The following DLC1 variants were observed in gnomAD, a reference collection of about 807,000 sequenced individuals.
DLC1 encodes the protein rho GTPase-activating protein 7.
In DLC1, 54 loss-of-function variants were observed where a neutral mutation model predicts 140.3. The ratio of observed to expected loss-of-function variants is 0.38; its 90% CI spans 0.31 to 0.48. DLC1 has a LOEUF of 0.48. Among genes scored for constraint, DLC1 ranks in the 20% least tolerant of loss-of-function variants. The pLI is 0.96. For missense variants in DLC1, 2,536 were observed against 1,907.0 expected (o/e 1.33, Z -6.14); for synonymous variants, 986 against 728.1 (o/e 1.35, Z -5.70).
intron 1 of DLC1, among the ~76,000 whole-genome samples, chr8:13,548,767 G>T (rs1803742349): frequency 6.6e-6 from 1 of 151,974 alleles, no homozygotes; most frequent in South Asian, 2.1e-4. Context: ...AGCCAGTAAA[G>T]AAACAAAATC....
chr8:13,490,978 A>AAT (rs3066372), intron 2 of DLC1, among the ~76,000 whole-genome samples: 109,101 of 145,640 alleles, frequency 0.75, 42,294 homozygotes, highest in Middle Eastern at 0.88. Context: ...AATTTATATA[A>AAT]ATATATATAT....
At chr8:13,255,433 C>T (rs545912123) in intron 5 of DLC1, among the ~76,000 whole-genome samples, 92 of 152,202 alleles carry the variant, frequency 6.0e-4, no homozygotes, top group African/African-American at 2.1e-3. Context: ...ATTTAAAAGG[C>T]AGGGATAAGT....
chr8:13,597,687 T>C (rs1805728500), intron 1 of DLC1, among the ~76,000 whole-genome samples: 1 of 152,056 alleles, frequency 6.6e-6, no homozygotes, highest in South Asian at 2.1e-4. Flanking sequence ...TAATAACAGA[T>C]GACATTATGA....
intron 1 of DLC1, among the ~76,000 whole-genome samples, chr8:13,534,538 A>G (rs1585249813): frequency 6.6e-6 from 1 of 152,076 alleles, no homozygotes; most frequent in Non-Finnish European, 1.5e-5. Flanking sequence ...GGCAGGGACA[A>G]TTTTCCTTCT....
chr8:13,173,368 C>CTTTTTTTTTTTTT (rs35778236), intron 5 of DLC1, among the ~76,000 whole-genome samples: 1 of 103,510 alleles, frequency 9.7e-6, no homozygotes. Flanking sequence ...GTTCTGCCCT[C>CTTTTTTTTTTTTT]TTTTTTTTTT....
At chr8:13,506,567 A>ACATGTGTGTG (rs1491321792) in intron 1 of DLC1, among the ~76,000 whole-genome samples, 1 of 111,800 alleles carries the variant, frequency 8.9e-6, no homozygotes, top group African/African-American at 3.5e-5. Context: ...ACACACACAC[A>ACATGTGTGTG]TGTGTGTGTG....
intron 1 of DLC1, among the ~76,000 whole-genome samples, chr8:13,549,672 G>C (rs1803778449): frequency 6.6e-6 from 1 of 152,090 alleles, no homozygotes; most frequent in Non-Finnish European, 1.5e-5. Flanking sequence ...GAAAAGAACA[G>C]GTTGATTGAA....
At chr8:13,324,598 G>C (rs1171332922) in intron 4 of DLC1, among the ~76,000 whole-genome samples, 1 of 139,722 alleles carries the variant, frequency 7.2e-6, no homozygotes, top group African/African-American at 2.6e-5. Flanking sequence ...AAGATTTTAA[G>C]ATCTAACTTT....
chr8:13,413,469 A>G (rs1837898820), intron 2 of DLC1, among the ~76,000 whole-genome samples: 1 of 143,208 alleles, frequency 7.0e-6, no homozygotes, highest in East Asian at 2.0e-4. Context: ...ATCCAATGCA[A>G]AATTATTTCT....
intron 4 of DLC1, among the ~76,000 whole-genome samples, chr8:13,308,801 T>C (rs1287323977): frequency 6.6e-6 from 1 of 152,008 alleles, no homozygotes; most frequent in Admixed American, 6.6e-5. Flanking sequence ...AATGGAATGG[T>C]TTTCTTGGGC....
chr8:13,109,022 G>T (rs894538606), intron 7 of DLC1, among the ~76,000 whole-genome samples: 2 of 152,154 alleles, frequency 1.3e-5, no homozygotes, highest in Admixed American at 1.3e-4. Flanking sequence ...AAGTGACAGC[G>T]TTTCTGTGGT....
At chr8:13,246,598 A>T (rs1829773552) in intron 5 of DLC1, among the ~76,000 whole-genome samples, 1 of 152,162 alleles carries the variant, frequency 6.6e-6, no homozygotes, top group African/African-American at 2.4e-5. Flanking sequence ...AATTCATATC[A>T]ATGCAGTTTC....
In DLC1 at chr8:13,573,016, T is replaced by C. The variant is rs1804716266; in HGVS notation, c.-126+31521A>G. On this transcript the variant is annotated intron_variant, in intron 1 of 1. Transcript: ENST00000631382. Reference sequence around the variant, plus strand: ...TTTTCTATTTCTGTAAAAAATGCCATTGGACTTTTGATAGGGATTGCATTT... The same window carrying C: ...TTTTCTATTTCTGTAAAAAATGCCACTGGACTTTTGATAGGGATTGCATTT... 2.0e-5 allele frequency among the ~76,000 whole-genome samples: 3 copies of C among 152,306 alleles called. No individual in the cohort carries two copies. The South Asian group carries it at 6.2e-4, about 32-fold the overall frequency.
intron 3 of DLC1, among the ~76,000 whole-genome samples, chr8:13,395,617 A>G (rs571303754): frequency 1.3e-5 from 2 of 152,328 alleles, no homozygotes; most frequent in Admixed American, 1.3e-4. Flanking sequence ...AATTCTCACA[A>G]TAGAAGTAAT....
rs531645465 is a variant in DLC1 at position 13,597,981 on chromosome 8, G to A, written c.-126+6556C>T. ...TATTGGGATTGAAGATGTTTACACC[G>A]AAAATAAAATCGGTATCAAGAGTCT... On this transcript the variant is annotated intron_variant, in intron 1 of 1. Coordinates refer to the DLC1 transcript ENST00000631382. Among the ~76,000 whole-genome samples, 33 of 152,140 alleles carry A rather than the reference G, an allele frequency of 2.2e-4. 1 individual carries two copies. The South Asian group carries it at 6.2e-3, about 29-fold the overall frequency.
intron 4 of DLC1, among the ~76,000 whole-genome samples, chr8:13,350,959 A>T (rs956404131): frequency 6.6e-6 from 1 of 152,196 alleles, no homozygotes; most frequent in Non-Finnish European, 1.5e-5. Flanking sequence ...CAAATCTCTG[A>T]TGAAATTCAT....
At chr8:13,231,180 T>A (rs1243226262) in intron 5 of DLC1, among the ~76,000 whole-genome samples, 3 of 152,168 alleles carry the variant, frequency 2.0e-5, no homozygotes, top group African/African-American at 7.2e-5. Context: ...TTAGTTTTAT[T>A]TCTAGGCCTC....
intron 2 of DLC1, among the ~76,000 whole-genome samples, chr8:13,468,104 C>T (rs1010264260): frequency 1.3e-5 from 2 of 152,116 alleles, no homozygotes; most frequent in Admixed American, 6.5e-5. Flanking sequence ...CTGGACTTGG[C>T]ATTTTATTTA....
At chr8:13,437,396 C>T (rs1428131844) in intron 2 of DLC1, among the ~76,000 whole-genome samples, 2 of 152,178 alleles carry the variant, frequency 1.3e-5, no homozygotes, top group East Asian at 3.8e-4. Context: ...GTCAATTGAG[C>T]ATCTTTCGAA....
Sources: gnomAD v4.1 joint callset for allele counts (sites outside exome capture counted in the v4.1 genomes callset) on GRCh38, gnomAD v4.1.1 for gene constraint, MANE v1.5 for transcripts, NCBI Gene and HGNC (gene_info 2026-07-23, HGNC 2026-07-21) for gene names.